VIT: variants seen among roughly 807,000 people sequenced by gnomAD.
VIT encodes the protein vitrin.
In VIT, 99 loss-of-function variants were observed where a neutral mutation model predicts 78.0. The ratio of observed to expected loss-of-function variants is 1.27; its 90% CI spans 1.08 to 1.50. VIT has a LOEUF of 1.50. Among genes scored for constraint, VIT ranks in the 40% most tolerant of loss-of-function variants. The probability of loss-of-function intolerance (pLI) is 0.00; values close to 1 mark genes in which losing one functional copy is unlikely to be tolerated. For missense variants in VIT, 1,126 were observed against 875.3 expected (o/e 1.29, Z -3.61); for synonymous variants, 374 against 334.3 (o/e 1.12, Z -1.29).
intron 15 of VIT, among the ~76,000 whole-genome samples, chr2:36,811,767 G>T (rs1667189500): frequency 6.6e-6 from 1 of 151,558 alleles, no homozygotes; most frequent in Non-Finnish European, 1.5e-5. Context: ...CCGCCTCCTG[G>T]GTTCAGGCGA....
At chr2:36,763,925 AC>A (rs1669271034) in intron 6 of VIT, among the ~76,000 whole-genome samples, 1 of 152,218 alleles carries the variant, frequency 6.6e-6, no homozygotes. Flanking sequence ...GGCAAAAACA[AC>A]AGCCCACGGA....
chr2:36,724,259 C>G (rs751021358), intron 2 of VIT, among the ~76,000 whole-genome samples: 1 of 152,098 alleles, frequency 6.6e-6, no homozygotes, highest in Non-Finnish European at 1.5e-5. Context: ...GACTGAGAAG[C>G]ATTGCTGAGA....
intron 14 of VIT, 24 bp from the exon 15 acceptor site, chr2:36,808,448 G>T: frequency 6.3e-7 from 1 of 1,579,592 alleles, no homozygotes; most frequent in South Asian, 1.2e-5. Context: ...GACGTGGCGT[G>T]GGTCCCTCCC....
chr2:36,736,371 A>G (rs993576665), intron 3 of VIT, among the ~76,000 whole-genome samples: 9 of 152,258 alleles, frequency 5.9e-5, no homozygotes, highest in Non-Finnish European at 1.2e-4. Context: ...TGAGACTTTC[A>G]GTCCATACTG....
chr2:36,753,954 C>T (rs1668617712), intron 4 of VIT, among the ~76,000 whole-genome samples: 2 of 152,196 alleles, frequency 1.3e-5, no homozygotes, highest in African/African-American at 4.8e-5. Flanking sequence ...AGTCCTGCAA[C>T]CTCACACAGC....
At chr2:36,726,107 A>C (rs1465422553) in intron 2 of VIT, among the ~76,000 whole-genome samples, 1 of 152,044 alleles carries the variant, frequency 6.6e-6, no homozygotes, top group Non-Finnish European at 1.5e-5. Flanking sequence ...TTTTCACAAT[A>C]TGTATCAAAA....
chr2:36,742,687 C>G (rs943945690), intron 3 of VIT, among the ~76,000 whole-genome samples: 1 of 152,224 alleles, frequency 6.6e-6, no homozygotes, highest in African/African-American at 2.4e-5. Flanking sequence ...AATGCTCCCA[C>G]CGTATGCCCT....
intron 7 of VIT, among the ~76,000 whole-genome samples, chr2:36,770,272 G>A (rs949844667): frequency 6.6e-6 from 1 of 152,240 alleles, no homozygotes; most frequent in Admixed American, 6.5e-5. Flanking sequence ...TGAAGGGTAT[G>A]TAGCCAAAAC....
At chr2:36,796,994 T>A (rs926667385) in intron 12 of VIT, among the ~76,000 whole-genome samples, 9 of 152,178 alleles carry the variant, frequency 5.9e-5, no homozygotes, top group Admixed American at 3.3e-4. Flanking sequence ...ATGTAAAAAA[T>A]GTACAAATAA....
chr2:36,760,322 G>A (rs376549566), intron 6 of VIT, among the ~76,000 whole-genome samples: 6 of 152,032 alleles, frequency 3.9e-5, no homozygotes, highest in African/African-American at 1.2e-4. Context: ...CTAATAGTAC[G>A]TATATAGATC....
chr2:36,805,354 T>C (rs964344334), intron 13 of VIT, 84 bp from the exon 14 acceptor site: 30 of 1,384,746 alleles, frequency 2.2e-5, no homozygotes, highest in Non-Finnish European at 2.8e-5. Context: ...TGTATTTTTC[T>C]GGACCTCTTT....
intron 15 of VIT, among the ~76,000 whole-genome samples, chr2:36,809,811 C>G (rs1005514762): frequency 4.0e-5 from 6 of 151,722 alleles, no homozygotes; most frequent in African/African-American, 1.2e-4. Context: ...TCAGGGAAAC[C>G]TGAAAGGAAT....
chr2:36,717,335 TGTGTGTG>T (rs1327461775), intron 2 of VIT, among the ~76,000 whole-genome samples: 28 of 1,620 alleles, frequency 0.017, no homozygotes, highest in African/African-American at 0.023. Flanking sequence ...GCCTGGCTAA[TGTGTGTG>T]TGTGTGTGTG....
chr2:36,777,473 G>A (rs927527491), intron 9 of VIT, among the ~76,000 whole-genome samples: 2 of 152,054 alleles, frequency 1.3e-5, no homozygotes, highest in Non-Finnish European at 2.9e-5. Flanking sequence ...AGGGCACCCC[G>A]AGCAGAACAC....
At chr2:36,809,115 C>A in intron 15 of VIT, 130 bp downstream of exon 15, 1 of 1,283,340 alleles carries the variant, frequency 7.8e-7, no homozygotes, top group African/African-American at 1.5e-5. Flanking sequence ...TGTTCAAAGC[C>A]GCAGGGAGGG....
chr2:36,785,348 C>T lies in VIT; in HGVS notation c.911-1781C>T, dbSNP rs542288246. ...CTGTAGGTGCTAGTAGGCGGCAAAC[C>T]CTGAAGAACTCCACTGCCACCTGCT... On this transcript the variant is annotated intron_variant, in intron 11 of 15. Coordinates refer to ENST00000379242, the MANE Select transcript of VIT (RefSeq NM_053276.4). Among the ~76,000 whole-genome samples, 4 of 152,116 alleles carry T rather than the reference C, an allele frequency of 2.6e-5. No homozygotes were observed. The East Asian group carries it at 7.7e-4, about 29-fold the overall frequency.
chr2:36,718,008 C>T (rs905190765), intron 2 of VIT, among the ~76,000 whole-genome samples: 2 of 152,160 alleles, frequency 1.3e-5, no homozygotes, highest in African/African-American at 4.8e-5. Flanking sequence ...CTAATCGCTG[C>T]CTTCATCTTC....
At chr2:36,735,490 T>C (rs1324194302) in intron 3 of VIT, among the ~76,000 whole-genome samples, 2 of 152,218 alleles carry the variant, frequency 1.3e-5, no homozygotes, top group African/African-American at 2.4e-5. Flanking sequence ...CAGAGTGGGC[T>C]TGTGCAGTCT....
At position 36,727,210 on chromosome 2, in the gene VIT, C is replaced by A. The variant is rs889855807; in HGVS notation, c.53-2216C>A. ...CTTCTCCCTAGCCCCTTTCTCCGTG[C>A]CTTTCTTTCCCAGACAGCCTCTCTT... On this transcript the variant is annotated intron_variant, in intron 2 of 15. Transcript: ENST00000379242. Among the ~76,000 whole-genome samples, 6 of 152,186 alleles carry A rather than the reference C, an allele frequency of 3.9e-5. No homozygotes were observed. The South Asian group carries it at 1.0e-3, about 26-fold the overall frequency.
Sources: gnomAD v4.1 joint callset for allele counts (sites outside exome capture counted in the v4.1 genomes callset) on GRCh38, gnomAD v4.1.1 for gene constraint, MANE v1.5 for transcripts, NCBI Gene and HGNC (gene_info 2026-07-23, HGNC 2026-07-21) for gene names.